Variants in PPP1R21 observed in about 807,000 individuals in gnomAD.
The protein encoded by PPP1R21 is protein phosphatase 1 regulatory subunit 21, also known as KLRAQ motif containing 1.
In PPP1R21, 85 loss-of-function variants were observed where a neutral mutation model predicts 112.8. The ratio of observed to expected loss-of-function variants is 0.75; its 90% CI spans 0.63 to 0.90. The LOEUF is 0.90. PPP1R21 is among the 40% of genes least tolerant of loss of function. The probability of loss-of-function intolerance (pLI) is 0.00; values close to 1 mark genes in which losing one functional copy is unlikely to be tolerated. For synonymous variants in PPP1R21, 381 were observed against 322.3 expected (o/e 1.18, Z -1.95); for missense variants, 1,199 against 901.5 (o/e 1.33, Z -4.23).
intron 17 of PPP1R21, 94 bp from the exon 18 acceptor site, chr2:48,505,470 G>T: frequency 1.1e-6 from 1 of 925,748 alleles, no homozygotes; most frequent in Non-Finnish European, 1.7e-6. Context: ...TCAATGCTCT[G>T]TGAACGGAGA....
In PPP1R21 at chr2:48,440,805, G is replaced by A. The variant is rs1366066415; in HGVS notation, c.-149G>A. The stretch of plus-strand genomic sequence containing the variant: ...CCACCCCGGGAACCCGGAAGTGGAG[G>A]AGGAGGCGCGGCGGCGGCGGCGGCG... On this transcript the variant is annotated 5_prime_UTR_variant, in exon 1 of 22. Transcript: ENST00000294952. The A allele has an allele frequency of 4.7e-6, 3 of 643,828 alleles. No individual in the cohort carries two copies. Among genetic ancestry groups the A allele is most frequent in the African/African-American group, 1.9e-5 (1 of 51,498 alleles). The allele number at this position is 643,828 out of a possible 1,614,324, so 39.9% of individuals were successfully genotyped here.
chr2:48,493,785 A>G (rs1669677410), intron 15 of PPP1R21, among the ~76,000 whole-genome samples: 1 of 152,022 alleles, frequency 6.6e-6, no homozygotes, highest in Non-Finnish European at 1.5e-5. Flanking sequence ...ATAAATTTTT[A>G]TGTATGCTTT....
chr2:48,490,010 C>A (rs1238204577), intron 14 of PPP1R21, among the ~76,000 whole-genome samples: 1 of 151,616 alleles, frequency 6.6e-6, no homozygotes, highest in East Asian at 1.9e-4. Flanking sequence ...GTGCCACCGC[C>A]CTCCAGCCTG....
At chr2:48,460,830 G>T (rs1667945669) in intron 6 of PPP1R21, among the ~76,000 whole-genome samples, 1 of 152,134 alleles carries the variant, frequency 6.6e-6, no homozygotes, top group Non-Finnish European at 1.5e-5. Flanking sequence ...TGATTACTTT[G>T]AGCTTGGGGA....
chr2:48,472,995 C>T (rs1176626142), intron 11 of PPP1R21, among the ~76,000 whole-genome samples: 2 of 146,928 alleles, frequency 1.4e-5, no homozygotes, highest in East Asian at 3.9e-4. Flanking sequence ...GATAGAGTCC[C>T]TGTCTCTTAA....
At position 48,471,340 on chromosome 2, in the gene PPP1R21, G is replaced by A. The variant is rs747035466; in HGVS notation, c.1061G>A (p.Arg354Lys). The A allele has an allele frequency of 1.8e-5, 29 of 1,610,182 alleles. No individual in the cohort carries two copies. In the South Asian group the frequency reaches 3.0e-4, roughly 17 times the overall value. Residue 354 changes from arginine (R) to lysine (K), a missense_variant, in exon 11 of 22, where the codon AGG becomes AAG. Arg to Lys is a conservative substitution (Grantham distance 26). Transcript: ENST00000294952. ...TTAACCTCCTACATATGTTTTCTTAGGAAGATTCTTCCCTATCAGTTAAAA... is the reference window on the plus strand; with the variant it reads ...TTAACCTCCTACATATGTTTTCTTAAGAAGATTCTTCCCTATCAGTTAAAA... ...EHLTSYICFL[R>K]KILPYQLKSL...
chr2:48,494,667 C>G (rs912564793), intron 15 of PPP1R21, among the ~76,000 whole-genome samples: 1 of 151,742 alleles, frequency 6.6e-6, no homozygotes, highest in Non-Finnish European at 1.5e-5. Flanking sequence ...CCACCCGCCT[C>G]GGCCTTCCAA....
At chr2:48,484,034 C>A (rs1185032448) in intron 13 of PPP1R21, among the ~76,000 whole-genome samples, 1 of 152,088 alleles carries the variant, frequency 6.6e-6, no homozygotes, top group Non-Finnish European at 1.5e-5. Flanking sequence ...TGTAAGATTC[C>A]TTCAAAACAA....
At chr2:48,484,657 C>G (rs1178655918) in intron 13 of PPP1R21, among the ~76,000 whole-genome samples, 1 of 152,014 alleles carries the variant, frequency 6.6e-6, no homozygotes, top group African/African-American at 2.4e-5. Context: ...GCTGGGATTA[C>G]AGGCACATGC....
chr2:48,443,980 A>G (rs746244352), intron 1 of PPP1R21, among the ~76,000 whole-genome samples: 69 of 152,180 alleles, frequency 4.5e-4, no homozygotes, highest in Non-Finnish European at 7.9e-4. Flanking sequence ...TCTTTAATGC[A>G]GATTTCAGCC....
chr2:48,474,548 C>T (rs1668664832), intron 11 of PPP1R21, 135 bp from the exon 12 acceptor site: 2 of 702,860 alleles, frequency 2.8e-6, no homozygotes, highest in Non-Finnish European at 4.7e-6. Flanking sequence ...AAAATGGAGC[C>T]ATGCAAATGA....
intron 17 of PPP1R21, among the ~76,000 whole-genome samples, chr2:48,503,630 T>C (rs368288909): frequency 3.1e-4 from 47 of 152,208 alleles, no homozygotes; most frequent in African/African-American, 1.1e-3. Context: ...TATGAGAAAA[T>C]GTTAAAGTAA....
At chr2:48,473,348 C>G (rs143659473) in intron 11 of PPP1R21, among the ~76,000 whole-genome samples, 4 of 152,150 alleles carry the variant, frequency 2.6e-5, no homozygotes, top group Non-Finnish European at 5.9e-5. Context: ...TTGAATGTAA[C>G]TTTGATTTGG....
intron 9 of PPP1R21, among the ~76,000 whole-genome samples, chr2:48,469,064 A>G (rs1013142901): frequency 2.0e-5 from 3 of 151,748 alleles, no homozygotes; most frequent in African/African-American, 4.8e-5. Context: ...GCAAGAAGCA[A>G]AAGTGGAAAC....
intron 1 of PPP1R21, among the ~76,000 whole-genome samples, chr2:48,450,220 G>T (rs532368479): frequency 1.3e-5 from 2 of 152,224 alleles, no homozygotes; most frequent in South Asian, 4.1e-4. Context: ...TGTCTAATTG[G>T]CATTATGACT....
intron 3 of PPP1R21, among the ~76,000 whole-genome samples, chr2:48,456,993 A>C (rs369499094): frequency 6.6e-6 from 1 of 151,698 alleles, no homozygotes; most frequent in East Asian, 1.9e-4. Context: ...CCGAGGTTGC[A>C]GTGAGCCGAG....
At chr2:48,499,446 A>C (rs1270602420) in intron 17 of PPP1R21, among the ~76,000 whole-genome samples, 3 of 152,212 alleles carry the variant, frequency 2.0e-5, no homozygotes, top group Non-Finnish European at 4.4e-5. Flanking sequence ...CAGGAAGCCG[A>C]GAGTGATGGC....
At position 48,440,829 on chromosome 2, in the gene PPP1R21, C is replaced by CGGCGGT; in HGVS notation, c.-120_-119insTGGCGG. 1.5e-6 allele frequency: 1 copy of CGGCGGT among 686,424 alleles called. No individual in the cohort carries two copies. Among genetic ancestry groups the CGGCGGT allele is most frequent in the Non-Finnish European group, 2.5e-6 (1 of 401,158 alleles). The allele number at this position is 686,424 out of a possible 1,614,324, so 42.5% of individuals were successfully genotyped here. A position where few individuals can be genotyped will look rare whatever the true frequency, so the allele number is the denominator to read the frequency against. On this transcript the variant is annotated 5_prime_UTR_variant, in exon 1 of 22. Coordinates refer to ENST00000294952, the MANE Select transcript of PPP1R21 (RefSeq NM_001135629.3). The stretch of plus-strand genomic sequence containing the variant: ...GGAGGAGGCGCGGCGGCGGCGGCGG[C>CGGCGGT]GGCGGCTGCGGTGGCCAAGCAGGCA...
At chr2:48,502,807 A>T (rs1558518898) in intron 17 of PPP1R21, among the ~76,000 whole-genome samples, 1 of 151,302 alleles carries the variant, frequency 6.6e-6, no homozygotes. Context: ...CAGGCTTCCA[A>T]GTAGCTGGGA....
Sources: allele counts gnomAD v4.1 joint callset (sites outside exome capture counted in the v4.1 genomes callset), GRCh38; gene constraint gnomAD v4.1.1; transcripts MANE v1.5; gene names NCBI Gene and HGNC (gene_info 2026-07-23, HGNC 2026-07-21).